Variants in PAK2 observed in about 807,000 individuals in gnomAD.
PAK2 encodes the protein p21 (RAC1) activated kinase 2.
Under a neutral mutation model 65.9 loss-of-function variants are expected in PAK2, and 21 were observed. That is an observed-to-expected ratio of 0.32 (90% CI 0.23 to 0.46). PAK2 has a LOEUF of 0.46. Ranked by LOEUF, PAK2 falls within the 20% of genes least tolerant of loss-of-function variation. The probability of loss-of-function intolerance (pLI) is 1.00; values close to 1 mark genes in which losing one functional copy is unlikely to be tolerated. For synonymous variants in PAK2, 204 were observed against 219.7 expected (o/e 0.93, Z 0.63); for missense variants, 324 against 642.6 (o/e 0.50, Z 5.36).
rs575636305 is a variant in PAK2, at chr3:196,815,223, G to A, written c.1053+655G>A. On this transcript the variant is annotated intron_variant, in intron 11 of 14. Transcript: ENST00000327134. ...ATACACCACTTAGCTGGAAGTGGTG[G>A]CTCATGCCTGTAATCCTAGCACTTT... is the stretch of plus-strand genomic sequence containing the variant. Among the ~76,000 whole-genome samples, 59 of 151,498 alleles carry A rather than the reference G, an allele frequency of 3.9e-4. No homozygotes were observed. In the South Asian group the frequency reaches 5.0e-3, roughly 13 times the overall value.
chr3:196,815,397 C>T (rs752751478), intron 11 of PAK2, among the ~76,000 whole-genome samples: 8 of 150,422 alleles, frequency 5.3e-5, no homozygotes, highest in Admixed American at 6.7e-5. Flanking sequence ...GAGGCTGAGG[C>T]GGGAGAATCG....
At chr3:196,757,707 A>T (rs1202510579) in intron 1 of PAK2, among the ~76,000 whole-genome samples, 1 of 152,078 alleles carries the variant, frequency 6.6e-6, no homozygotes, top group Non-Finnish European at 1.5e-5. Flanking sequence ...GTGCCCTGTG[A>T]TCTCCTTGCT....
chr3:196,806,465 G>A (rs1237694062), intron 5 of PAK2, 114 bp from the exon 6 acceptor site: 1 of 652,652 alleles, frequency 1.5e-6, no homozygotes, highest in African/African-American at 1.8e-5. Context: ...AGATTTAGTG[G>A]TTTTGAAATG....
intron 2 of PAK2, among the ~76,000 whole-genome samples, chr3:196,790,358 T>C (rs1282014273): frequency 6.6e-6 from 1 of 152,194 alleles, no homozygotes; most frequent in Non-Finnish European, 1.5e-5. Flanking sequence ...TGCTGCTGTT[T>C]TGTTGTCTAA....
intron 12 of PAK2, among the ~76,000 whole-genome samples, chr3:196,818,397 C>A (rs1577747854): frequency 6.6e-6 from 1 of 152,016 alleles, no homozygotes; most frequent in East Asian, 1.9e-4. Context: ...AATGTCTTGT[C>A]TTGTCTTTTT....
chr3:196,801,563 G>A (rs1485323663), intron 2 of PAK2, among the ~76,000 whole-genome samples: 1 of 151,998 alleles, frequency 6.6e-6, no homozygotes, highest in African/African-American at 2.4e-5. Context: ...ATAATATGCC[G>A]GGCATGCGGT....
At chr3:196,805,188 T>C (rs1310305109) in intron 4 of PAK2, among the ~76,000 whole-genome samples, 164 bp from the exon 5 acceptor site, 2 of 152,062 alleles carry the variant, frequency 1.3e-5, no homozygotes, top group African/African-American at 2.4e-5. Context: ...CTTGGTCTTA[T>C]ATAAATTCTT....
At chr3:196,747,569 T>G (rs567891378) in intron 1 of PAK2, among the ~76,000 whole-genome samples, 1 of 152,322 alleles carries the variant, frequency 6.6e-6, no homozygotes, top group African/African-American at 2.4e-5. Flanking sequence ...CTTTTAAACT[T>G]ATTGAGTGTT....
chr3:196,813,554 A>G (rs1019904191), intron 10 of PAK2, among the ~76,000 whole-genome samples: 2 of 152,100 alleles, frequency 1.3e-5, no homozygotes, highest in Non-Finnish European at 2.9e-5. Context: ...TTGAAGATAG[A>G]GGTGATTATA....
chr3:196,756,271 T>G (rs1713766880), intron 1 of PAK2, among the ~76,000 whole-genome samples: 1 of 152,148 alleles, frequency 6.6e-6, no homozygotes, highest in Admixed American at 6.6e-5. Flanking sequence ...GCCTTTACAC[T>G]CCCTGTGTCC....
intron 1 of PAK2, among the ~76,000 whole-genome samples, chr3:196,767,162 A>G (rs572357630): frequency 6.6e-6 from 1 of 152,268 alleles, no homozygotes; most frequent in South Asian, 2.1e-4. Flanking sequence ...TAGTTGAGCC[A>G]TTCCCCTATT....
At chr3:196,825,450 T>C (rs141489330) in intron 13 of PAK2, among the ~76,000 whole-genome samples, 3,773 of 151,718 alleles carry the variant, frequency 0.025, 199 homozygotes, top group African/African-American at 0.086. Context: ...AAGACCAGCC[T>C]GGCCAACACA....
intron 2 of PAK2, among the ~76,000 whole-genome samples, chr3:196,785,400 G>A (rs1349082670): frequency 6.6e-6 from 1 of 152,118 alleles, no homozygotes; most frequent in Non-Finnish European, 1.5e-5. Flanking sequence ...ACTTGACTAG[G>A]TTTGTCAGAT....
At position 196,757,331 on chromosome 3, in the gene PAK2, A is replaced by G. The variant is rs182162620; in HGVS notation, c.-22+17174A>G. ...TTTAGTGAAACTACGCTGAAGTTAA[A>G]CTTTAAAATGGAGGGCAATACTGGT... On this transcript the variant is annotated intron_variant, in intron 1 of 14. Coordinates refer to ENST00000327134, the MANE Select transcript of PAK2 (RefSeq NM_002577.4). Among the ~76,000 whole-genome samples the G allele has an allele frequency of 4.3e-3, 661 of 152,268 alleles. 3 individuals are homozygous for G. The highest frequency in any genetic ancestry group is 7.8e-3 in the Non-Finnish European group (533 of 68,018).
intron 2 of PAK2, among the ~76,000 whole-genome samples, chr3:196,800,967 G>T (rs1030665802): frequency 2.6e-5 from 4 of 152,146 alleles, no homozygotes; most frequent in Non-Finnish European, 5.9e-5. Flanking sequence ...GAGCTGAGAG[G>T]GAGGGGGTAG....
chr3:196,780,677 G>GA lies in PAK2; in HGVS notation c.-21-1943dup, dbSNP rs1399503709. ...TTTTATTCTTTCTCTTTTGTAGAAT[G>GA]AAAAAATAATCATTTTGAGAGCGAA... On this transcript the variant is annotated intron_variant, in intron 1 of 14. Transcript: ENST00000327134. Among the ~76,000 whole-genome samples the GA allele has an allele frequency of 5.3e-5, 8 of 152,186 alleles. No homozygotes were observed. In the East Asian group the frequency reaches 9.6e-4, roughly 18 times the overall value.
intron 11 of PAK2, 113 bp from the exon 12 acceptor site, chr3:196,817,944 T>C (rs926587505): frequency 4.1e-6 from 2 of 483,110 alleles, no homozygotes; most frequent in Middle Eastern, 5.5e-4. Context: ...ATAAAAGTAT[T>C]GGAGGGTCTT....
chr3:196,781,375 T>A (rs748698111), intron 1 of PAK2, among the ~76,000 whole-genome samples: 3 of 152,164 alleles, frequency 2.0e-5, no homozygotes, highest in Non-Finnish European at 2.9e-5. Context: ...GTATGTGTCA[T>A]CTACTTTTTT....
chr3:196,750,245 C>T (rs1713528853), intron 1 of PAK2, among the ~76,000 whole-genome samples: 1 of 152,160 alleles, frequency 6.6e-6, no homozygotes, highest in African/African-American at 2.4e-5. Context: ...CCACCTCTGC[C>T]TCCCAAAGTG....
Sources: allele counts gnomAD v4.1 joint callset (sites outside exome capture counted in the v4.1 genomes callset), GRCh38; gene constraint gnomAD v4.1.1; transcripts MANE v1.5; gene names NCBI Gene and HGNC (gene_info 2026-07-23, HGNC 2026-07-21).